The following FMN1 variants were observed in gnomAD, a reference collection of about 807,000 sequenced individuals.
The protein encoded by FMN1 is formin 1, also known as formin-1.
FMN1 carries 110 observed loss-of-function variants against 132.4 expected under a neutral mutation model. The ratio of observed to expected loss-of-function variants is 0.83; its 90% CI spans 0.71 to 0.97. FMN1 has a LOEUF of 0.97. FMN1 is among the 50% of genes least tolerant of loss of function. The pLI, the probability that FMN1 is intolerant of heterozygous loss-of-function variation, is 0.00. For synonymous variants in FMN1, 722 were observed against 651.7 expected (o/e 1.11, Z -1.64); for missense variants, 1,792 against 1,705.3 (o/e 1.05, Z -0.90).
At chr15:33,084,738 T>C (rs540932289) in intron 5 of FMN1, among the ~76,000 whole-genome samples, 69 of 130,390 alleles carry the variant, frequency 5.3e-4, no homozygotes, top group African/African-American at 1.3e-3. Context: ...AAGGAACCCC[T>C]GAGTCTTCTC....
intron 6 of FMN1, among the ~76,000 whole-genome samples, chr15:33,036,222 G>C (rs1177145370): frequency 6.6e-6 from 1 of 152,134 alleles, no homozygotes; most frequent in Non-Finnish European, 1.5e-5. Context: ...CCGTTTTTCT[G>C]CTTTGATACA....
At chr15:33,012,453 A>G (rs1266579723) in intron 6 of FMN1, 1 of 1,046,404 alleles carries the variant, frequency 9.6e-7, no homozygotes, top group Admixed American at 1.7e-5. Context: ...CTGGCATTAA[A>G]GAAGACACAG....
At chr15:33,136,566 C>G (rs1334516725) in intron 4 of FMN1, among the ~76,000 whole-genome samples, 1 of 152,070 alleles carries the variant, frequency 6.6e-6, no homozygotes, top group African/African-American at 2.4e-5. Flanking sequence ...TTATTTCCTC[C>G]TAAAAACAGA....
At chr15:32,998,449 C>A (rs1332703064) in intron 7 of FMN1, among the ~76,000 whole-genome samples, 1 of 152,160 alleles carries the variant, frequency 6.6e-6, no homozygotes, top group Non-Finnish European at 1.5e-5. Flanking sequence ...AACTTTGAAG[C>A]TAGAAGGAAA....
chr15:33,151,473 G>A, intron 4 of FMN1: 3 of 1,309,262 alleles, frequency 2.3e-6, no homozygotes, highest in East Asian at 2.5e-5. Context: ...GTGGGCTCAC[G>A]GTCAGTCTCC....
intron 9 of FMN1, among the ~76,000 whole-genome samples, chr15:32,953,455 G>C (rs1378379782): frequency 6.6e-6 from 1 of 152,158 alleles, no homozygotes; most frequent in Non-Finnish European, 1.5e-5. Flanking sequence ...GGTTTCCTTT[G>C]CTTTTATCAC....
rs147754775 is a variant in FMN1, at chr15:32,993,545, C to T, written c.2223+14469G>A. ...TCAAATTAAGATAAGAGAAGTGTAT[C>T]CAGTTAACAAGAGCTTTCTCATTTC... is the stretch of plus-strand genomic sequence containing the variant. On this transcript the variant is annotated intron_variant, in intron 7 of 20. Transcript: ENST00000616417. Among the ~76,000 whole-genome samples the T allele has an allele frequency of 3.3e-3, 498 of 151,586 alleles. 6 individuals are homozygous for T. The highest frequency in any genetic ancestry group is 0.012 in the African/African-American group (474 of 40,902).
At chr15:32,933,658 A>C (rs940459226) in intron 9 of FMN1, among the ~76,000 whole-genome samples, 4 of 152,164 alleles carry the variant, frequency 2.6e-5, no homozygotes, top group Admixed American at 2.6e-4. Context: ...TTGGGTGCAC[A>C]TATAACTGTT....
In FMN1 at chr15:32,774,027, G is replaced by C. The variant is rs2056333440; in HGVS notation, c.*283C>G. 3 of 424,514 alleles carry C rather than the reference G, an allele frequency of 7.1e-6. No homozygotes were observed. Among genetic ancestry groups the C allele is most frequent in the Non-Finnish European group, 8.3e-6 (2 of 242,316 alleles). The allele number at this position is 424,514 out of a possible 1,614,324, so 26.3% of individuals were successfully genotyped here. A position where few individuals can be genotyped will look rare whatever the true frequency, so the allele number is the denominator to read the frequency against. ...TTAAAAAAATTTTGGAAACATTTTG[G>C]TATTTCTTCTGCTCTTAGAGTGGAC... On this transcript the variant is annotated 3_prime_UTR_variant, in exon 21 of 21. Coordinates refer to ENST00000616417, the MANE Select transcript of FMN1 (RefSeq NM_001277313.2).
At chr15:32,907,364 C>G (rs1349912592) in intron 12 of FMN1, among the ~76,000 whole-genome samples, 2 of 151,986 alleles carry the variant, frequency 1.3e-5, no homozygotes, top group African/African-American at 4.8e-5. Context: ...AGCGTGCAAC[C>G]TGGATCGCTC....
intron 9 of FMN1, among the ~76,000 whole-genome samples, chr15:32,954,720 A>G (rs1412600253): frequency 2.0e-5 from 3 of 152,202 alleles, no homozygotes; most frequent in African/African-American, 4.8e-5. Context: ...AATTAACAAC[A>G]CAAGGCTGGG....
chr15:32,956,879 C>A (rs924288693), intron 9 of FMN1, among the ~76,000 whole-genome samples: 2 of 152,188 alleles, frequency 1.3e-5, no homozygotes, highest in Non-Finnish European at 2.9e-5. Context: ...TGTTCTTCTT[C>A]CACCCTTCTC....
chr15:32,792,055 G>C (rs190580342), intron 19 of FMN1, among the ~76,000 whole-genome samples: 1 of 152,044 alleles, frequency 6.6e-6, no homozygotes, highest in African/African-American at 2.4e-5. Flanking sequence ...TTAAGGAACA[G>C]AAGAAACAGA....
intron 9 of FMN1, among the ~76,000 whole-genome samples, chr15:32,957,253 G>A (rs1485782516): frequency 2.0e-5 from 3 of 148,144 alleles, no homozygotes; most frequent in African/African-American, 5.0e-5. Flanking sequence ...TCAGAATGTC[G>A]TTGGGCAAGT....
intron 4 of FMN1, among the ~76,000 whole-genome samples, chr15:33,135,265 A>G (rs1162383856): frequency 2.0e-5 from 3 of 152,186 alleles, no homozygotes; most frequent in Admixed American, 6.5e-5. Flanking sequence ...TTATTTTTTC[A>G]AAAGGCCAGT....
Position 32,954,184 on chromosome 15 carries a change from A to AAAT in FMN1, c.3138+9922_3138+9923insATT. ...TACTTCAATACCCCCACTACATAAA[A>AAAT]AACTTGGTTTGTTTAAAAATAACTC... On this transcript the variant is annotated intron_variant, in intron 9 of 20. Coordinates refer to ENST00000616417, the MANE Select transcript of FMN1 (RefSeq NM_001277313.2). Among the ~76,000 whole-genome samples the AAAT allele has an allele frequency of 2.6e-5, 4 of 152,300 alleles. No homozygotes were observed. The South Asian group carries it at 8.3e-4, about 32-fold the overall frequency.
At chr15:32,978,730 T>A (rs1042391477) in intron 7 of FMN1, among the ~76,000 whole-genome samples, 2 of 152,160 alleles carry the variant, frequency 1.3e-5, no homozygotes, top group African/African-American at 4.8e-5. Context: ...TTTTAATATT[T>A]CCCTCTAGAT....
In FMN1 at chr15:33,011,299, T is replaced by C. The variant is rs79246996; in HGVS notation, c.2162-3224A>G. On this transcript the variant is annotated intron_variant, in intron 6 of 20. Coordinates refer to ENST00000616417, the MANE Select transcript of FMN1 (RefSeq NM_001277313.2). ...ATGATAGAAATAGCACTGAAGATCA[T>C]TAGTTACACAAAGAATGATCTTTTC... is the stretch of plus-strand genomic sequence containing the variant. 3.3e-3 allele frequency among the ~76,000 whole-genome samples: 498 copies of C among 152,278 alleles called. 2 individuals carry two copies. The highest frequency in any genetic ancestry group is 0.012 in the African/African-American group (480 of 41,570).
At chr15:33,014,918 G>T (rs2140980226) in intron 6 of FMN1, among the ~76,000 whole-genome samples, 1 of 152,294 alleles carries the variant, frequency 6.6e-6, no homozygotes, top group Non-Finnish European at 1.5e-5. Flanking sequence ...TATGGGTACG[G>T]ATAACATTAT....
Sources: gnomAD v4.1 joint callset for allele counts (sites outside exome capture counted in the v4.1 genomes callset) on GRCh38, gnomAD v4.1.1 for gene constraint, MANE v1.5 for transcripts, NCBI Gene and HGNC (gene_info 2026-07-23, HGNC 2026-07-21) for gene names.